Variants in STRA6 observed in about 807,000 individuals in gnomAD.
STRA6 encodes signaling receptor and transporter of retinol STRA6.
STRA6 carries 48 observed loss-of-function variants against 83.6 expected under a neutral mutation model. That is an observed-to-expected ratio of 0.57 (90% CI 0.46 to 0.73). STRA6 has a LOEUF of 0.73. Ranked by LOEUF, STRA6 falls within the 30% of genes least tolerant of loss-of-function variation. The probability of loss-of-function intolerance (pLI) is 0.00; values close to 1 mark genes in which losing one functional copy is unlikely to be tolerated. For missense variants in STRA6, 760 were observed against 838.8 expected, an observed-to-expected ratio of 0.91 and a Z score of 1.16; for synonymous variants, 353 against 362.3, an observed-to-expected ratio of 0.97 and a Z score of 0.29.
intron 2 of STRA6, among the ~76,000 whole-genome samples, chr15:74,198,366 C>T (rs1200181019): frequency 1.3e-5 from 2 of 152,308 alleles, no homozygotes; most frequent in East Asian, 3.9e-4. Context: ...ATGCCTCAGC[C>T]TCCCAAAGTG....
chr15:74,187,542 T>C (rs530265487), intron 12 of STRA6, among the ~76,000 whole-genome samples: 145 of 152,118 alleles, frequency 9.5e-4, no homozygotes, highest in African/African-American at 3.3e-3. Context: ...CTGAGCTCTC[T>C]GTGAGTGATG....
rs772360633 is a variant in STRA6, at chr15:74,197,673, A to C, written c.180+79T>G. 2.9e-5 allele frequency: 45 copies of C among 1,558,472 alleles called. 1 individual carries two copies. In the Middle Eastern group the frequency reaches 5.6e-4, roughly 19 times the overall value. ...GGATCTTCCAGGGCCCCCCTTCACC[A>C]GCCCCAGTGGGGAACACAGGTCCCA... On this transcript the variant is annotated intron_variant, in intron 3 of 18. Transcript: ENST00000395105.
At chr15:74,183,394 C>T (rs1013317640) in intron 14 of STRA6, 6 of 502,212 alleles carry the variant, frequency 1.2e-5, no homozygotes, top group South Asian at 4.8e-5. Flanking sequence ...TGCAGGTGCA[C>T]ACCACCATAC....
At chr15:74,201,678 G>C (rs934501312) in intron 2 of STRA6, among the ~76,000 whole-genome samples, 22 of 152,044 alleles carry the variant, frequency 1.4e-4, no homozygotes, top group African/African-American at 4.6e-4. Flanking sequence ...TTCTCACCAG[G>C]CTTTCTCCCT....
rs893719056 is a variant in STRA6, at chr15:74,191,371, G to A, written c.788+53C>T. 3.2e-5 allele frequency: 52 copies of A among 1,608,348 alleles called. No individual in the cohort carries two copies. The African/African-American group carries it at 5.5e-4, about 17-fold the overall frequency. On this transcript the variant is annotated intron_variant, in intron 9 of 18. Transcript: ENST00000395105. ...GCCCAGTGCCAGCTTCCCAAGCACGGCTGCTAACCAGCCCAATCCATTGGC... is the reference window on the plus strand; with the variant it reads ...GCCCAGTGCCAGCTTCCCAAGCACGACTGCTAACCAGCCCAATCCATTGGC...
At chr15:74,208,008 T>C in intron 1 of STRA6, 1 of 1,387,084 alleles carries the variant, frequency 7.2e-7, no homozygotes, top group Non-Finnish European at 9.3e-7. Flanking sequence ...TGATGTGCCC[T>C]TCCTGCAATT....
intron 13 of STRA6, 147 bp downstream of exon 13, chr15:74,184,833 C>A: frequency 2.6e-6 from 2 of 767,136 alleles, no homozygotes; most frequent in South Asian, 1.5e-5. Flanking sequence ...TCTCCCACTG[C>A]AGCGCAGCCA....
chr15:74,200,402 G>A (rs1214082562), intron 2 of STRA6, among the ~76,000 whole-genome samples: 4 of 152,200 alleles, frequency 2.6e-5, no homozygotes, highest in African/African-American at 7.2e-5. Context: ...GTTACAGCAA[G>A]CATGGGAGGC....
upstream of STRA6, among the ~76,000 whole-genome samples, chr15:74,204,804 G>A (rs541065007): frequency 1.2e-4 from 19 of 152,084 alleles, no homozygotes; most frequent in Non-Finnish European, 1.6e-4. Context: ...ACGTGGTGGC[G>A]CACACCTGTA....
upstream of STRA6, among the ~76,000 whole-genome samples, chr15:74,204,632 A>G (rs1370317124): frequency 6.6e-6 from 1 of 152,214 alleles, no homozygotes; most frequent in Admixed American, 6.5e-5. Flanking sequence ...ATCCTTGCCT[A>G]TCAGAAACCA....
upstream of STRA6, chr15:74,209,488 C>T (rs1300062151): frequency 6.6e-7 from 1 of 1,517,284 alleles, no homozygotes; most frequent in South Asian, 1.2e-5. Flanking sequence ...AGGGCCCTGA[C>T]CACAGCTAAG....
At chr15:74,203,122 G>A, upstream of STRA6, 3 of 985,606 alleles carry the variant, frequency 3.0e-6, no homozygotes, top group Non-Finnish European at 3.6e-6. Flanking sequence ...CTGGGGCTGG[G>A]CTGGGGCGGA....
chr15:74,183,732 C>A, intron 14 of STRA6, 124 bp downstream of exon 14: 1 of 1,596,338 alleles, frequency 6.3e-7, no homozygotes, highest in South Asian at 1.1e-5. Context: ...CTTGCTGCTG[C>A]CCCAGAGCAT....
At chr15:74,206,000 C>T (rs1157039517), upstream of STRA6, among the ~76,000 whole-genome samples, 1 of 152,206 alleles carries the variant, frequency 6.6e-6, no homozygotes, top group Admixed American at 6.5e-5. Flanking sequence ...GCCACCTAGC[C>T]GGATTTGAAC....
chr15:74,206,268 T>G (rs1297687676), upstream of STRA6, among the ~76,000 whole-genome samples: 1 of 152,110 alleles, frequency 6.6e-6, no homozygotes, highest in Admixed American at 6.5e-5. Flanking sequence ...GTGGGCAGGC[T>G]GGGTTGAAGA....
At position 74,179,807 on chromosome 15, in the gene STRA6, G is replaced by T; in HGVS notation, c.*273C>A. ...CCAGGGTAGGGAGACGCCTGGATGT[G>T]GCTGCCCTGGCTCAACTGGCTCCTG... On this transcript the variant is annotated 3_prime_UTR_variant, in exon 19 of 19. Coordinates refer to ENST00000395105, the MANE Select transcript of STRA6 (RefSeq NM_022369.4). 2.2e-6 allele frequency: 1 copy of T among 450,200 alleles called. No individual in the cohort carries two copies. The highest frequency in any genetic ancestry group is 4.0e-6 in the Non-Finnish European group (1 of 248,722). The allele number at this position is 450,200 out of a possible 1,614,324, so 27.9% of individuals were successfully genotyped here.
At position 74,180,220 on chromosome 15, in the gene STRA6, C is replaced by CCTTT; in HGVS notation, c.1860_1863dup (p.Asp622LysfsTer9). 4 of 1,614,150 alleles carry CCTTT rather than the reference C, an allele frequency of 2.5e-6. No individual in the cohort carries two copies. Among genetic ancestry groups the CCTTT allele is most frequent in the Non-Finnish European group, 3.4e-6 (4 of 1,180,026 alleles). The stretch of plus-strand genomic sequence containing the variant: ...GGCCTAGCTCCCTTGGCCATGGAGT[C>CCTTT]CTTTGTCTGTAGCAGCTGCATCCCT... On this transcript the variant is annotated frameshift_variant, in exon 19 of 19. Transcript: ENST00000395105. LOFTEE classifies it low-confidence loss of function (END_TRUNC).
In STRA6 at chr15:74,194,254, A is replaced by G; in HGVS notation, c.598-332T>C. On this transcript the variant is annotated intron_variant, in intron 7 of 18. Coordinates refer to ENST00000395105, the MANE Select transcript of STRA6 (RefSeq NM_022369.4). ...TCTGTGTTCCCGGAGCATTAGGAAC[A>G]GTTCTGAAAATCACACGAAAGCCTG... 4.6e-6 allele frequency: 4 copies of G among 868,808 alleles called. No homozygotes were observed. In the South Asian group the frequency reaches 5.8e-5, roughly 13 times the overall value. The allele number at this position is 868,808 out of a possible 1,614,324, so 53.8% of individuals were successfully genotyped here.
chr15:74,211,252 A>T (rs997265339), upstream of STRA6, among the ~76,000 whole-genome samples: 4 of 150,934 alleles, frequency 2.7e-5, no homozygotes, highest in African/African-American at 9.8e-5. Context: ...TGGCTGGGAG[A>T]CTCCTTCTGG....
Sources: gnomAD v4.1 joint callset for allele counts (sites outside exome capture counted in the v4.1 genomes callset) on GRCh38, gnomAD v4.1.1 for gene constraint, MANE v1.5 for transcripts, NCBI Gene and HGNC (gene_info 2026-07-23, HGNC 2026-07-21) for gene names.